IGSF5: variants seen among roughly 807,000 people sequenced by gnomAD.
IGSF5 encodes the protein immunoglobulin superfamily member 5.
Under a neutral mutation model 39.4 loss-of-function variants are expected in IGSF5, and 41 were observed. That is an observed-to-expected ratio of 1.04 (90% CI 0.81 to 1.35). IGSF5 has a LOEUF of 1.35. IGSF5 is among the 40% of genes most tolerant of loss of function. IGSF5 has a pLI of 0.00. For synonymous variants in IGSF5, 183 were observed against 175.3 expected (o/e 1.04, Z -0.34); for missense variants, 487 against 494.6 (o/e 0.98, Z 0.15).
At chr21:39,784,321 A>G (rs1051983743) in intron 5 of IGSF5, among the ~76,000 whole-genome samples, 1 of 152,204 alleles carries the variant, frequency 6.6e-6, no homozygotes, top group Non-Finnish European at 1.5e-5. Context: ...AACATGAGCT[A>G]TGTGGAGTAG....
Position 39,748,333 on chromosome 21 carries a change from C to T in IGSF5, c.100+2035C>T, listed in dbSNP as rs376814432. Among the ~76,000 whole-genome samples, 128 of 25,366 alleles carry T rather than the reference C, an allele frequency of 5.0e-3. 1 individual carries two copies. The highest frequency in any genetic ancestry group is 9.3e-3 in the Non-Finnish European group (65 of 7,010). 16.6% of individuals were successfully genotyped at this position (25,366 alleles called of 152,430 possible). On this transcript the variant is annotated intron_variant, in intron 2 of 8. Transcript: ENST00000380588. ...TTTTTTTTTTTTTTTTTTTTTGAGA[C>T]AGCGTCTCTCTCTGTCACCCAGGCT...
upstream of IGSF5, among the ~76,000 whole-genome samples, chr21:39,740,483 T>G (rs2079943933): frequency 6.6e-6 from 1 of 152,212 alleles, no homozygotes; most frequent in African/African-American, 2.4e-5. Context: ...TGTATATATA[T>G]TTACCCTTTT....
chr21:39,748,714 C>T (rs969579215), intron 2 of IGSF5, among the ~76,000 whole-genome samples: 6 of 152,104 alleles, frequency 3.9e-5, no homozygotes, highest in East Asian at 1.9e-4. Context: ...AACACAATTC[C>T]GTTTATAGAA....
the IGSF5 span, among the ~76,000 whole-genome samples, chr21:39,724,312 A>G: frequency 2.0e-5 from 3 of 152,144 alleles, no homozygotes; most frequent in Non-Finnish European, 4.4e-5. Context: ...CATTTGACTA[A>G]ATTCTAGCTA....
At chr21:39,773,355 G>A (rs1305418386) in intron 4 of IGSF5, among the ~76,000 whole-genome samples, 1 of 152,036 alleles carries the variant, frequency 6.6e-6, no homozygotes, top group African/African-American at 2.4e-5. Flanking sequence ...ATAAATCATT[G>A]CCTGAATCAA....
chr21:39,773,840 A>G (rs754509316), intron 4 of IGSF5, among the ~76,000 whole-genome samples: 7 of 152,238 alleles, frequency 4.6e-5, no homozygotes, highest in Non-Finnish European at 7.3e-5. Flanking sequence ...GGACTGGTTA[A>G]AGCATATATC....
At chr21:39,742,122 G>A (rs962039828), upstream of IGSF5, among the ~76,000 whole-genome samples, 5 of 151,710 alleles carry the variant, frequency 3.3e-5, no homozygotes, top group Admixed American at 1.3e-4. Context: ...TTGTCCTTCT[G>A]TTGCCCAGAC....
intron 2 of IGSF5, among the ~76,000 whole-genome samples, chr21:39,754,959 C>T (rs956814915): frequency 6.6e-6 from 1 of 152,150 alleles, no homozygotes; most frequent in South Asian, 2.1e-4. Flanking sequence ...ACTGCCTGCC[C>T]TGTGATTCTG....
At chr21:39,796,442 C>T (rs560682299) in intron 8 of IGSF5, among the ~76,000 whole-genome samples, 1 of 152,332 alleles carries the variant, frequency 6.6e-6, no homozygotes, top group East Asian at 1.9e-4. Context: ...GCAGTCGTGC[C>T]TTCTTTTCTC....
Position 39,746,202 on chromosome 21 carries a change from C to T in IGSF5, c.18-14C>T. 1.4e-6 allele frequency: 1 copy of T among 701,838 alleles called. No homozygotes were observed. Among genetic ancestry groups the T allele is most frequent in the Non-Finnish European group, 2.6e-6 (1 of 384,762 alleles). 43.5% of individuals were successfully genotyped at this position (701,838 alleles called of 1,614,324 possible). Reference sequence around the variant, plus strand: ...GCCTGATTGGAAGTGGCAATGGGCGCCTCACTGGATCAGGAGCACAGCAGA... The same window carrying T: ...GCCTGATTGGAAGTGGCAATGGGCGTCTCACTGGATCAGGAGCACAGCAGA... On this transcript the variant is annotated splice_polypyrimidine_tract_variant and intron_variant, in intron 1 of 8. Coordinates refer to ENST00000380588, the MANE Select transcript of IGSF5 (RefSeq NM_001080444.2).
At chr21:39,733,202 C>G in the IGSF5 span, among the ~76,000 whole-genome samples, 45,807 of 151,874 alleles carry the variant, frequency 0.3, 7,257 homozygotes, top group Middle Eastern at 0.41. Flanking sequence ...TAATGCTTAA[C>G]CACATGGGTA....
chr21:39,760,555 G>A (rs2080055986), intron 2 of IGSF5, among the ~76,000 whole-genome samples: 1 of 148,684 alleles, frequency 6.7e-6, no homozygotes, highest in Non-Finnish European at 1.5e-5. Context: ...TGGAGAGAGA[G>A]TTGATGTGGG....
the IGSF5 span, among the ~76,000 whole-genome samples, chr21:39,727,435 T>A: frequency 2.0e-5 from 3 of 152,200 alleles, no homozygotes; most frequent in Non-Finnish European, 4.4e-5. Flanking sequence ...GAGGAGATTG[T>A]CGGTGGCTTC....
intron 5 of IGSF5, among the ~76,000 whole-genome samples, chr21:39,787,379 C>G (rs2086928495): frequency 6.6e-6 from 1 of 152,034 alleles, no homozygotes; most frequent in Admixed American, 6.5e-5. Context: ...CTTAATCAAG[C>G]TTGATATATA....
chr21:39,776,561 C>T (rs1443481915), intron 4 of IGSF5, among the ~76,000 whole-genome samples: 2 of 152,174 alleles, frequency 1.3e-5, no homozygotes, highest in Non-Finnish European at 2.9e-5. Context: ...GTCCCTCTGG[C>T]CCTCAGTCTC....
At chr21:39,743,690 C>T (rs1193834233), upstream of IGSF5, among the ~76,000 whole-genome samples, 1 of 152,052 alleles carries the variant, frequency 6.6e-6, no homozygotes, top group Non-Finnish European at 1.5e-5. Context: ...ATAAGTCATA[C>T]TTTTTGCATA....
chr21:39,795,901 T>C (rs458406), intron 8 of IGSF5, among the ~76,000 whole-genome samples: 1 of 151,892 alleles, frequency 6.6e-6, no homozygotes, highest in African/African-American at 2.4e-5. Flanking sequence ...ATTATCTTTG[T>C]CTGGGCTAGA....
the IGSF5 span, among the ~76,000 whole-genome samples, chr21:39,716,324 A>G: frequency 6.6e-6 from 1 of 152,030 alleles, no homozygotes; most frequent in Non-Finnish European, 1.5e-5. Context: ...CACTCTAAAA[A>G]CGAGAATTTT....
upstream of IGSF5, among the ~76,000 whole-genome samples, chr21:39,744,969 T>A (rs192925041): frequency 2.0e-5 from 3 of 152,366 alleles, no homozygotes; most frequent in Admixed American, 1.3e-4. Context: ...CAAAGTGGCA[T>A]TGGAGTGTTA....
Sources: gnomAD v4.1 joint callset for allele counts (sites outside exome capture counted in the v4.1 genomes callset) on GRCh38, gnomAD v4.1.1 for gene constraint, MANE v1.5 for transcripts, NCBI Gene and HGNC (gene_info 2026-07-23, HGNC 2026-07-21) for gene names.